Variants in SUMF1 observed in about 807,000 individuals in gnomAD.
SUMF1 encodes the protein formylglycine-generating enzyme.
In SUMF1, 48 loss-of-function variants were observed where a neutral mutation model predicts 47.6. That is an observed-to-expected ratio of 1.01 (90% CI 0.80 to 1.28). The LOEUF is 1.28. SUMF1 is among the 50% of genes most tolerant of loss of function. SUMF1 has a pLI of 0.00. For synonymous variants in SUMF1, 230 were observed against 192.1 expected, an observed-to-expected ratio of 1.20 and a Z score of -1.63; for missense variants, 571 against 485.4, an observed-to-expected ratio of 1.18 and a Z score of -1.66.
At chr3:4,333,892 C>T (rs1175843495) in intron 8 of SUMF1, among the ~76,000 whole-genome samples, 1 of 151,476 alleles carries the variant, frequency 6.6e-6, no homozygotes, top group African/African-American at 2.4e-5. Context: ...CTTTTAGAGG[C>T]TGGGGTGGGG....
intron 8 of SUMF1, among the ~76,000 whole-genome samples, chr3:4,173,902 T>C (rs1016586396): frequency 4.6e-5 from 7 of 152,174 alleles, no homozygotes; most frequent in South Asian, 2.1e-4. Flanking sequence ...AGGGGAGGGA[T>C]AACATTAGGA....
chr3:4,140,571 A>G (rs995836876), intron 8 of SUMF1, among the ~76,000 whole-genome samples: 2 of 151,966 alleles, frequency 1.3e-5, no homozygotes, highest in Admixed American at 1.3e-4. Flanking sequence ...ACTTTATCCT[A>G]TATTTTATAA....
chr3:4,322,583 C>T (rs1243426371), intron 8 of SUMF1, among the ~76,000 whole-genome samples: 1 of 151,858 alleles, frequency 6.6e-6, no homozygotes, highest in African/African-American at 2.4e-5. Context: ...TCCCTTGACC[C>T]TAGGAGCTCA....
chr3:4,466,975 C>G lies in SUMF1; in HGVS notation c.270+1G>C. ...CCGCCTCGGAGGAATCGATGGAGCACCTTTGAGTGCGCGAGTTGCCGCTCT... is the reference window on the plus strand; with the variant it reads ...CCGCCTCGGAGGAATCGATGGAGCAGCTTTGAGTGCGCGAGTTGCCGCTCT... On this transcript the variant is annotated splice_donor_variant, in intron 1 of 8. Transcript: ENST00000272902. LOFTEE classifies it high-confidence loss of function. 1 of 1,604,708 alleles carries G rather than the reference C, an allele frequency of 6.2e-7. No homozygotes were observed. Among genetic ancestry groups the G allele is most frequent in the Non-Finnish European group, 8.5e-7 (1 of 1,177,148 alleles).
chr3:4,269,627 AGAAT>A (rs1697266446), intron 8 of SUMF1, among the ~76,000 whole-genome samples: 1 of 152,200 alleles, frequency 6.6e-6, no homozygotes. Context: ...GGGGAAAGAA[AGAAT>A]GAATGGGTGA....
At chr3:4,417,859 T>G (rs1016676405) in intron 5 of SUMF1, 151 bp downstream of exon 5, 3 of 1,397,322 alleles carry the variant, frequency 2.1e-6, no homozygotes, top group Non-Finnish European at 3.0e-6. Context: ...CATTCTCCAG[T>G]GTCTTCTAAG....
intron 8 of SUMF1, among the ~76,000 whole-genome samples, chr3:4,261,935 G>A (rs962002558): frequency 3.3e-5 from 5 of 152,126 alleles, no homozygotes; most frequent in East Asian, 1.9e-4. Context: ...TACCCTTGAT[G>A]TGCATTTTAG....
chr3:4,207,415 G>A (rs568322358), intron 8 of SUMF1, among the ~76,000 whole-genome samples: 64 of 152,246 alleles, frequency 4.2e-4, no homozygotes, highest in African/African-American at 1.3e-3. Flanking sequence ...TCAAATCTTA[G>A]GGTGAGAAAG....
chr3:4,433,572 CG>C (rs1702303603), intron 3 of SUMF1, among the ~76,000 whole-genome samples: 1 of 152,186 alleles, frequency 6.6e-6, no homozygotes, highest in Non-Finnish European at 1.5e-5. Context: ...ACTCAGTTAC[CG>C]TGAACCCACC....
At chr3:4,157,525 C>A (rs1216786220) in intron 8 of SUMF1, among the ~76,000 whole-genome samples, 1 of 151,454 alleles carries the variant, frequency 6.6e-6, no homozygotes, top group Non-Finnish European at 1.5e-5. Flanking sequence ...CAATATTTTA[C>A]CCTCAGGATC....
intron 8 of SUMF1, among the ~76,000 whole-genome samples, chr3:4,350,592 T>C (rs977079688): frequency 6.6e-6 from 1 of 152,118 alleles, no homozygotes; most frequent in Non-Finnish European, 1.5e-5. Flanking sequence ...CTAGGTATAT[T>C]AAAGCTCTGA....
chr3:4,123,429 TG>T (rs1693589534), intron 8 of SUMF1, among the ~76,000 whole-genome samples: 1 of 152,144 alleles, frequency 6.6e-6, no homozygotes, highest in Non-Finnish European at 1.5e-5. Context: ...GGCATCCACA[TG>T]TTTGTTTAGT....
chr3:4,300,199 C>G (rs555408591), intron 8 of SUMF1, among the ~76,000 whole-genome samples: 31 of 152,216 alleles, frequency 2.0e-4, no homozygotes, highest in African/African-American at 7.5e-4. Context: ...TGTGTGGCAC[C>G]TGCCCCAACC....
At chr3:4,055,591 T>C (rs1695177251) in intron 9 of SUMF1, among the ~76,000 whole-genome samples, 1 of 152,132 alleles carries the variant, frequency 6.6e-6, no homozygotes, top group Non-Finnish European at 1.5e-5. Flanking sequence ...CAAGTGATCC[T>C]CTGGTCTCAG....
chr3:4,264,817 C>G (rs1240693190), intron 8 of SUMF1, among the ~76,000 whole-genome samples: 1 of 152,112 alleles, frequency 6.6e-6, no homozygotes, highest in Non-Finnish European at 1.5e-5. Context: ...ACAAGTCTGA[C>G]CCCAACTCTC....
At chr3:4,206,696 G>A (rs1216331914) in intron 8 of SUMF1, among the ~76,000 whole-genome samples, 1 of 152,106 alleles carries the variant, frequency 6.6e-6, no homozygotes, top group East Asian at 1.9e-4. Flanking sequence ...TGGTTCTCAT[G>A]GGGGTGCTTT....
chr3:4,428,018 A>T (rs1275002869), intron 3 of SUMF1, among the ~76,000 whole-genome samples: 1 of 152,240 alleles, frequency 6.6e-6, no homozygotes, highest in African/African-American at 2.4e-5. Flanking sequence ...ACTCATTTTC[A>T]TCAAATAAGT....
intron 8 of SUMF1, among the ~76,000 whole-genome samples, chr3:4,112,431 T>C (rs998378152): frequency 7.2e-5 from 11 of 152,260 alleles, no homozygotes; most frequent in Middle Eastern, 3.4e-3. Context: ...TAGATAAAAT[T>C]GCTAATGGTG....
downstream of SUMF1, among the ~76,000 whole-genome samples, chr3:4,357,366 C>T (rs1699643043): frequency 6.7e-6 from 1 of 149,542 alleles, no homozygotes; most frequent in Non-Finnish European, 1.5e-5. Context: ...TGCAAAAATT[C>T]TGTTTGCAGC....
Sources: allele counts gnomAD v4.1 joint callset (sites outside exome capture counted in the v4.1 genomes callset), GRCh38; gene constraint gnomAD v4.1.1; transcripts MANE v1.5; gene names NCBI Gene and HGNC (gene_info 2026-07-23, HGNC 2026-07-21).